Variants in PSMD1 observed in about 807,000 individuals in gnomAD.
PSMD1 encodes 26S proteasome non-ATPase regulatory subunit 1.
A neutral mutation model predicts 119.0 loss-of-function variants in PSMD1; 18 were observed. The ratio of observed to expected loss-of-function variants is 0.15; its 90% CI spans 0.10 to 0.22. The LOEUF is 0.22. Ranked by LOEUF, PSMD1 falls within the 10% of genes least tolerant of loss-of-function variation. The probability of loss-of-function intolerance (pLI) is 1.00; values close to 1 mark genes in which losing one functional copy is unlikely to be tolerated. For missense variants in PSMD1, 702 were observed against 1,158.5 expected, an observed-to-expected ratio of 0.61 and a Z score of 5.72; for synonymous variants, 374 against 396.6, an observed-to-expected ratio of 0.94 and a Z score of 0.68.
At chr2:231,126,814 A>G (rs1695731676) in intron 16 of PSMD1, among the ~76,000 whole-genome samples, 1 of 152,094 alleles carries the variant, frequency 6.6e-6, no homozygotes, top group African/African-American at 2.4e-5. Flanking sequence ...GAACGTAACT[A>G]GTTAGAACAG....
chr2:231,118,761 C>A (rs997929320), intron 16 of PSMD1, among the ~76,000 whole-genome samples: 1 of 152,066 alleles, frequency 6.6e-6, no homozygotes, highest in African/African-American at 2.4e-5. Flanking sequence ...AGCATCAGTC[C>A]ATAAATCTGG....
chr2:231,127,778 T>C (rs1695761382), intron 16 of PSMD1, among the ~76,000 whole-genome samples: 1 of 152,266 alleles, frequency 6.6e-6, no homozygotes, highest in African/African-American at 2.4e-5. Context: ...TAAATATTTC[T>C]ATGCAAATAA....
chr2:231,086,553 A>C (rs1424990840), intron 15 of PSMD1, among the ~76,000 whole-genome samples: 2 of 152,186 alleles, frequency 1.3e-5, no homozygotes, highest in Admixed American at 1.3e-4. Flanking sequence ...GCTACTTGGG[A>C]GCCTGCAGCA....
intron 16 of PSMD1, among the ~76,000 whole-genome samples, chr2:231,119,989 G>A (rs1220264544): frequency 2.3e-5 from 3 of 132,484 alleles, no homozygotes; most frequent in Non-Finnish European, 3.1e-5. Flanking sequence ...GCCTCACCCC[G>A]TCACCCAGGC....
intron 12 of PSMD1, among the ~76,000 whole-genome samples, chr2:231,080,655 T>C (rs949964086): frequency 6.6e-6 from 1 of 152,222 alleles, no homozygotes; most frequent in Non-Finnish European, 1.5e-5. Flanking sequence ...TCTCAGAAGT[T>C]AGAATCCTTG....
intron 6 of PSMD1, among the ~76,000 whole-genome samples, chr2:231,071,445 G>T (rs538130321): frequency 1.1e-4 from 17 of 152,110 alleles, no homozygotes; most frequent in African/African-American, 4.1e-4. Context: ...AGTGTTAATT[G>T]TATACAGTCT....
chr2:231,096,391 C>A (rs973749587), intron 16 of PSMD1, among the ~76,000 whole-genome samples: 1 of 152,100 alleles, frequency 6.6e-6, no homozygotes, highest in Admixed American at 6.5e-5. Flanking sequence ...CTTCCCTACC[C>A]TTTTTAGGCA....
intron 16 of PSMD1, among the ~76,000 whole-genome samples, chr2:231,091,049 C>G (rs1694577094): frequency 6.6e-6 from 1 of 152,182 alleles, no homozygotes; most frequent in African/African-American, 2.4e-5. Context: ...AAGAAGTTCT[C>G]AGACATGGAT....
intron 16 of PSMD1, among the ~76,000 whole-genome samples, chr2:231,087,821 G>A (rs1306051940): frequency 2.6e-5 from 4 of 152,098 alleles, no homozygotes; most frequent in Admixed American, 6.6e-5. Context: ...AATTAGCCAC[G>A]TGTGGTGGCA....
intron 9 of PSMD1, among the ~76,000 whole-genome samples, 172 bp from the exon 10 acceptor site, chr2:231,078,487 A>G (rs1694220342): frequency 6.6e-6 from 1 of 152,232 alleles, no homozygotes; most frequent in Non-Finnish European, 1.5e-5. Flanking sequence ...GCTTGTTTGT[A>G]TAAACTAGCT....
At chr2:231,079,479 G>T in intron 10 of PSMD1, 57 bp from the exon 11 acceptor site, 1 of 1,241,960 alleles carries the variant, frequency 8.1e-7, no homozygotes, top group South Asian at 1.4e-5. Flanking sequence ...GAGTTAAAAA[G>T]CTTTAAGGAA....
intron 16 of PSMD1, among the ~76,000 whole-genome samples, chr2:231,126,638 A>T (rs977648530): frequency 1.1e-3 from 166 of 152,170 alleles, no homozygotes; most frequent in Admixed American, 7.1e-3. Flanking sequence ...TATAGATAAA[A>T]TTTTTTAAAT....
intron 16 of PSMD1, among the ~76,000 whole-genome samples, chr2:231,093,331 G>A (rs757001980): frequency 6.6e-6 from 1 of 152,194 alleles, no homozygotes; most frequent in Non-Finnish European, 1.5e-5. Context: ...AGTGAATGGT[G>A]TCTGTGTCTG....
intron 24 of PSMD1, among the ~76,000 whole-genome samples, chr2:231,171,872 T>TA (rs1304264366): frequency 4.6e-5 from 7 of 151,732 alleles, no homozygotes; most frequent in African/African-American, 1.5e-4. Context: ...TTCTACTCTT[T>TA]AAAAAAAATA....
chr2:231,165,029 TATATTTATATATATA>T lies in PSMD1; in HGVS notation c.2482-170_2482-156del, dbSNP rs1696731736. 4 of 24,650 alleles carry T rather than the reference TATATTTATATATATA, an allele frequency of 1.6e-4. No homozygotes were observed. In the East Asian group the frequency reaches 5.3e-3, roughly 33 times the overall value. The allele number at this position is 24,650 out of a possible 1,614,324, so 1.5% of individuals were successfully genotyped here. A position where few individuals can be genotyped will look rare whatever the true frequency, so the allele number is the denominator to read the frequency against. On this transcript the variant is annotated intron_variant, in intron 21 of 24. Transcript: ENST00000308696. ...TTTCCCATTTATTCTTTGATTTATA[TATATTTATATATATA>T]TATATATATATATATATATATATAT...
chr2:231,137,040 T>C (rs1695986008), intron 16 of PSMD1, among the ~76,000 whole-genome samples: 1 of 145,360 alleles, frequency 6.9e-6, no homozygotes, highest in Non-Finnish European at 1.5e-5. Flanking sequence ...CCATATATAA[T>C]TATATAATAT....
chr2:231,062,672 A>G lies in PSMD1; in HGVS notation c.301A>G (p.Ile101Val), dbSNP rs766553480. 5.0e-6 allele frequency: 8 copies of G among 1,590,070 alleles called. No individual in the cohort carries two copies. Among genetic ancestry groups the G allele is most frequent in the Middle Eastern group, 1.7e-4 (1 of 5,968 alleles). The change falls in exon 4 of 25, where the codon ATA (isoleucine) becomes GTA (valine). Residue 101 changes from isoleucine (I) to valine (V), a missense_variant. Ile to Val is a conservative substitution (Grantham distance 29). This residue lies in a region of PSMD1 where 50 missense variants were observed against 41.8 expected (regional missense o/e 1.20). Coordinates refer to ENST00000308696, the MANE Select transcript of PSMD1 (RefSeq NM_002807.4). ...NDNSEYVETI[I>V]AKCIDHYTKQ... ...TAACTCTGAATATGTGGAAACTATT[A>G]TAGGTAATTATCGTCTATCTGGTAA...
intron 16 of PSMD1, among the ~76,000 whole-genome samples, chr2:231,134,085 T>A (rs988534949): frequency 6.6e-6 from 1 of 152,230 alleles, no homozygotes; most frequent in African/African-American, 2.4e-5. Context: ...TCATTAAAAA[T>A]TGAATTACAT....
At chr2:231,072,966 T>G (rs1694075389) in intron 7 of PSMD1, among the ~76,000 whole-genome samples, 7 of 152,142 alleles carry the variant, frequency 4.6e-5, no homozygotes, top group Admixed American at 4.6e-4. Flanking sequence ...CCTAGCCCGC[T>G]CTTTCACTGG....
Sources: allele counts gnomAD v4.1 joint callset (sites outside exome capture counted in the v4.1 genomes callset), GRCh38; gene constraint gnomAD v4.1.1; regional missense constraint gnomAD v4.1.1; transcripts MANE v1.5; gene names NCBI Gene and HGNC (gene_info 2026-07-23, HGNC 2026-07-21).